INTS1: variants seen among roughly 807,000 people sequenced by gnomAD.
The protein encoded by INTS1 is integrator complex subunit 1.
INTS1 carries 137 observed loss-of-function variants against 241.6 expected under a neutral mutation model. That is an observed-to-expected ratio of 0.57 (90% CI 0.49 to 0.65). INTS1 has a LOEUF of 0.65. Among genes scored for constraint, INTS1 ranks in the 30% least tolerant of loss-of-function variants. The pLI, the probability that INTS1 is intolerant of heterozygous loss-of-function variation, is 0.00. For missense variants in INTS1, 3,073 were observed against 3,032.2 expected (o/e 1.01, Z -0.32); for synonymous variants, 1,692 against 1,337.8 (o/e 1.26, Z -5.78).
At chr7:1,495,710 G>A (rs1055050520) in intron 12 of INTS1, among the ~76,000 whole-genome samples, 157 bp from the exon 13 acceptor site, 4 of 152,142 alleles carry the variant, frequency 2.6e-5, no homozygotes, top group Admixed American at 6.5e-5. Context: ...CACCCTGGGA[G>A]GCATGGAGTG....
At chr7:1,491,913 C>T (rs553762537) in intron 16 of INTS1, among the ~76,000 whole-genome samples, 8 of 152,308 alleles carry the variant, frequency 5.3e-5, no homozygotes, top group Non-Finnish European at 8.8e-5. Context: ...CCACAAAAAA[C>T]GGAAAATGCA....
chr7:1,472,359 AG>A lies in INTS1; in HGVS notation c.6097del (p.Leu2033TrpfsTer10). The A allele has an allele frequency of 6.4e-7, 1 of 1,567,344 alleles. No individual in the cohort carries two copies. The highest frequency in any genetic ancestry group is 8.6e-7 in the Non-Finnish European group (1 of 1,156,128). ...AGGGGTGAACAGGGAGACGCTGACC[AG>A]GGGCAAGGAGCCGGCTGAGCTCTCC... is the stretch of plus-strand genomic sequence containing the variant. ...EEESSAGSLP[L>X]VSVSLFTPLT... On this transcript the variant is annotated frameshift_variant, in exon 44 of 48. Transcript: ENST00000404767. LOFTEE classifies it high-confidence loss of function.
At chr7:1,473,465 C>A (rs1781568840) in intron 42 of INTS1, 101 bp downstream of exon 42, 3 of 1,393,246 alleles carry the variant, frequency 2.2e-6, no homozygotes, top group Non-Finnish European at 2.9e-6. Flanking sequence ...GCCTCAGGAG[C>A]AGCATATCTG....
intron 43 of INTS1, among the ~76,000 whole-genome samples, 180 bp from the exon 44 acceptor site, chr7:1,472,566 C>T (rs1438934959): frequency 6.6e-6 from 1 of 152,178 alleles, no homozygotes; most frequent in Non-Finnish European, 1.5e-5. Context: ...TTGGATCCGG[C>T]GCATGCACCT....
intron 10 of INTS1, 46 bp downstream of exon 10, chr7:1,498,366 C>T: frequency 6.2e-7 from 1 of 1,607,796 alleles, no homozygotes; most frequent in East Asian, 2.2e-5. Context: ...CAGCCCAGAG[C>T]CCCATATTCC....
At position 1,474,154 on chromosome 7, in the gene INTS1, GC is replaced by G. The variant is rs772026960; in HGVS notation, c.5829+13del. 2.6e-6 allele frequency: 4 copies of G among 1,545,782 alleles called. No homozygotes were observed. In the Admixed American group the frequency reaches 7.2e-5, roughly 28 times the overall value. ...GTGGAAGGGAGCGCGAGGGCGGGCG[GC>G]GGGAGCACACACCAGCAGCAGGCGG... On this transcript the variant is annotated intron_variant, in intron 41 of 47. Coordinates refer to ENST00000404767, the MANE Select transcript of INTS1 (RefSeq NM_001080453.3).
chr7:1,495,474 G>T lies in INTS1; in HGVS notation c.1791C>A (p.Val597=), dbSNP rs754243194. 29 of 1,612,616 alleles carry T rather than the reference G, an allele frequency of 1.8e-5. No individual in the cohort carries two copies. In the South Asian group the frequency reaches 3.2e-4, roughly 18 times the overall value. ...TAGGGGCGAGCTTGCTGATGGAGGGGACCACAGTGTGGAGCCACCAGACGG... is the reference window on the plus strand; with the variant it reads ...TAGGGGCGAGCTTGCTGATGGAGGGTACCACAGTGTGGAGCCACCAGACGG... ...RDAVWWLHTV[V]PSISKLAPKD... Residue 597 remains valine, a synonymous_variant, in exon 13 of 48, where the codon GTC becomes GTA. Coordinates refer to ENST00000404767, the MANE Select transcript of INTS1 (RefSeq NM_001080453.3).
chr7:1,499,128 A>G lies in INTS1; in HGVS notation c.984T>C (p.Tyr328=), dbSNP rs769426600. The part of the protein sequence containing the change: ...YEELAESVEE[Y]VLDMLRDQLN... The stretch of plus-strand genomic sequence containing the variant: ...GCTGGTCCCGCAGCATGTCCAGGAC[A>G]TACTCCTCCACGCTCTCCGCGAGCT... The change falls in exon 8 of 48, where the codon TAT becomes TAC. Residue 328 remains tyrosine (Y), a synonymous_variant. Coordinates refer to ENST00000404767, the MANE Select transcript of INTS1 (RefSeq NM_001080453.3). 1.5e-5 allele frequency: 24 copies of G among 1,611,538 alleles called. No individual in the cohort carries two copies. The East Asian group carries it at 5.4e-4, about 36-fold the overall frequency.
chr7:1,471,655 A>C lies in INTS1; in HGVS notation c.6185-14T>G. On this transcript the variant is annotated splice_polypyrimidine_tract_variant and intron_variant, in intron 44 of 47. Coordinates refer to ENST00000404767, the MANE Select transcript of INTS1 (RefSeq NM_001080453.3). ...CCTCCAGCAGATCTGACACAGAGAG[A>C]GGGCCAGACCAGAACTGAAGGGCCC... 3 of 1,611,106 alleles carry C rather than the reference A, an allele frequency of 1.9e-6. No homozygotes were observed. Among genetic ancestry groups the C allele is most frequent in the Middle Eastern group, 1.7e-4 (1 of 6,058 alleles).
Position 1,493,198 on chromosome 7 carries a change from G to T in INTS1, c.2069-92C>A. The T allele has an allele frequency of 1.1e-6, 1 of 949,960 alleles. No individual in the cohort carries two copies. The highest frequency in any genetic ancestry group is 2.1e-5 in the Admixed American group (1 of 48,250). 58.8% of individuals were successfully genotyped at this position (949,960 alleles called of 1,614,324 possible). On this transcript the variant is annotated intron_variant, in intron 15 of 47. Coordinates refer to ENST00000404767, the MANE Select transcript of INTS1 (RefSeq NM_001080453.3). This position sits in a 1 kb window ranked among gnomAD's most constrained non-coding sequence, Gnocchi z 5.3. ...AACCGGCCCTGCTCGGGCCGCGTCG[G>T]GGTGGGGTGGGGGATGCCGCAGGGT...
Position 1,476,213 on chromosome 7 carries a change from C to G in INTS1, c.5378+16G>C. 1 of 1,544,628 alleles carries G rather than the reference C, an allele frequency of 6.5e-7. No individual in the cohort carries two copies. On this transcript the variant is annotated intron_variant, in intron 38 of 47. Coordinates refer to ENST00000404767, the MANE Select transcript of INTS1 (RefSeq NM_001080453.3). ...CTCACTCCCAGGCAGCATCTGGGGC[C>G]GGGGGGCCTGAGCACCTGTCTCCCC...
At chr7:1,482,397 A>T in intron 27 of INTS1, 149 bp downstream of exon 27, 1 of 709,350 alleles carries the variant, frequency 1.4e-6, no homozygotes, top group Non-Finnish European at 2.2e-6. Context: ...TGCTGTGGCC[A>T]GGACATATGG....
intron 16 of INTS1, among the ~76,000 whole-genome samples, chr7:1,491,320 C>T (rs775827805): frequency 6.6e-6 from 1 of 152,232 alleles, no homozygotes; most frequent in Non-Finnish European, 1.5e-5. Context: ...ACTTCCGACA[C>T]GAAGCCAAGA....
intron 35 of INTS1, 133 bp downstream of exon 35, chr7:1,477,417 G>T: frequency 9.5e-7 from 1 of 1,049,696 alleles, no homozygotes. Context: ...TTGCTACAGG[G>T]ACACATGGCC....
In INTS1 at chr7:1,481,378, C is replaced by T. The variant is rs750838959; in HGVS notation, c.3814G>A (p.Asp1272Asn). 5.6e-6 allele frequency: 9 copies of T among 1,612,660 alleles called. No individual in the cohort carries two copies. The highest frequency in any genetic ancestry group is 4.5e-5 in the East Asian group (2 of 44,822). ...LQFLDQAVAHDPQTLEQNIMD... is the reference protein window; with the variant it reads ...LQFLDQAVAHNPQTLEQNIMD... The stretch of plus-strand genomic sequence containing the variant: ...ATGTTCTGCTCCAGAGTCTGGGGGT[C>T]GTGGGCCACTGCCTGGTCCAGGAAC... The change falls in exon 28 of 48, where the codon GAC (aspartate) becomes AAC (asparagine). Residue 1272 changes from aspartate to asparagine, a missense_variant. Physicochemically the swap from Asp to Asn is conservative, Grantham distance 23 (BLOSUM62 1). Coordinates refer to ENST00000404767, the MANE Select transcript of INTS1 (RefSeq NM_001080453.3). This position sits in a 1 kb window ranked among gnomAD's most constrained non-coding sequence, Gnocchi z 6.8.
Position 1,470,824 on chromosome 7 carries a change from T to G in INTS1, c.6457+22A>C, listed in dbSNP as rs748634098. On this transcript the variant is annotated intron_variant, in intron 47 of 47. Transcript: ENST00000404767. ...GCCTCCCCGAGGGCTGCCAGGGCCC[T>G]GGGCGGGGGGCCAGTCCTCACCTTG... 1.7e-5 allele frequency: 26 copies of G among 1,554,638 alleles called. 1 individual carries two copies. In the South Asian group the frequency reaches 2.6e-4, roughly 15 times the overall value.
At chr7:1,471,692 T>C in intron 44 of INTS1, 51 bp from the exon 45 acceptor site, 1 of 1,578,412 alleles carries the variant, frequency 6.3e-7, no homozygotes, top group South Asian at 1.1e-5. Context: ...GGCAGACCTC[T>C]GCCCACCCCA....
At position 1,493,202 on chromosome 7, in the gene INTS1, G is replaced by A. The variant is rs904942994; in HGVS notation, c.2069-96C>T. Reference sequence around the variant, plus strand: ...GGCCCTGCTCGGGCCGCGTCGGGGTGGGGTGGGGGATGCCGCAGGGTGGGG... The same window carrying A: ...GGCCCTGCTCGGGCCGCGTCGGGGTAGGGTGGGGGATGCCGCAGGGTGGGG... On this transcript the variant is annotated intron_variant, in intron 15 of 47. Transcript: ENST00000404767. The surrounding 1 kb of genome is among the most constrained non-coding windows in gnomAD (Gnocchi z 5.3). The A allele has an allele frequency of 2.2e-5, 20 of 916,152 alleles. No individual in the cohort carries two copies. Among genetic ancestry groups the A allele is most frequent in the Non-Finnish European group, 3.3e-5 (19 of 581,650 alleles). The allele number at this position is 916,152 out of a possible 1,614,324, so 56.8% of individuals were successfully genotyped here.
At chr7:1,496,644 C>T (rs1782874294) in intron 11 of INTS1, among the ~76,000 whole-genome samples, 1 of 152,138 alleles carries the variant, frequency 6.6e-6, no homozygotes, top group Non-Finnish European at 1.5e-5. Context: ...CCCACAAGGT[C>T]CTAGTCTGGC....
Sources: allele counts gnomAD v4.1 joint callset (sites outside exome capture counted in the v4.1 genomes callset), GRCh38; gene constraint gnomAD v4.1.1; non-coding constraint Gnocchi (gnomAD v3.1); transcripts MANE v1.5; gene names NCBI Gene and HGNC (gene_info 2026-07-23, HGNC 2026-07-21).